Variants in HECTD2 observed in about 807,000 individuals in gnomAD.
The protein encoded by HECTD2 is probable E3 ubiquitin-protein ligase HECTD2.
Under a neutral mutation model 103.2 loss-of-function variants are expected in HECTD2, and 35 were observed. That is an observed-to-expected ratio of 0.34 (90% confidence interval 0.26 to 0.45). The LOEUF (loss-of-function observed/expected upper bound fraction) is 0.45. Among genes scored for constraint, HECTD2 ranks in the 20% least tolerant of loss-of-function variants. The pLI is 1.00. For synonymous variants in HECTD2, 281 were observed against 329.9 expected (o/e 0.85, Z 1.61); for missense variants, 596 against 937.4 (o/e 0.64, Z 4.76).
chr10:91,427,119 C>G (rs1234497089), intron 2 of HECTD2, among the ~76,000 whole-genome samples: 6 of 149,060 alleles, frequency 4.0e-5, no homozygotes, highest in Non-Finnish European at 7.4e-5. Flanking sequence ...TTTGTCCTTG[C>G]GATAGTTTAC....
At chr10:91,500,738 T>G (rs1257306212) in intron 19 of HECTD2, 121 bp downstream of exon 19, 2 of 497,262 alleles carry the variant, frequency 4.0e-6, no homozygotes, top group Non-Finnish European at 7.0e-6. Context: ...TATTAGAGAG[T>G]CCCACAGTCT....
chr10:91,465,813 T>A (rs1845512138), intron 5 of HECTD2, among the ~76,000 whole-genome samples: 1 of 152,196 alleles, frequency 6.6e-6, no homozygotes, highest in Non-Finnish European at 1.5e-5. Flanking sequence ...ATTCTTTTTA[T>A]GTATTTTTGG....
intron 2 of HECTD2, among the ~76,000 whole-genome samples, chr10:91,438,328 C>G (rs1402692936): frequency 3.9e-5 from 6 of 152,060 alleles, no homozygotes; most frequent in Non-Finnish European, 7.4e-5. Flanking sequence ...TGAGAACATG[C>G]AGTGTTTGGT....
At chr10:91,492,307 T>C (rs1294230479) in intron 12 of HECTD2, 45 bp from the exon 13 acceptor site, 2 of 1,566,448 alleles carry the variant, frequency 1.3e-6, no homozygotes, top group South Asian at 2.3e-5. Context: ...TAATTCTCTT[T>C]TCACTGCTCT....
In HECTD2 at chr10:91,468,407, A is replaced by T. The variant is rs1371433413; in HGVS notation, c.600+6223A>T. 2.0e-5 allele frequency among the ~76,000 whole-genome samples: 3 copies of T among 152,188 alleles called. No individual in the cohort carries two copies. In the East Asian group the frequency reaches 5.8e-4, roughly 29 times the overall value. ...AAGAAGATAAAAGCCAAAAAAAATAAAATCCCATTCGAAGGGTAGCAACTC... is the reference window on the plus strand; with the variant it reads ...AAGAAGATAAAAGCCAAAAAAAATATAATCCCATTCGAAGGGTAGCAACTC... On this transcript the variant is annotated intron_variant, in intron 5 of 20. Transcript: ENST00000298068.
chr10:91,508,052 G>A (rs1412098961), intron 20 of HECTD2, among the ~76,000 whole-genome samples: 6 of 120,586 alleles, frequency 5.0e-5, no homozygotes, highest in Non-Finnish European at 6.3e-5. Context: ...ATGGTGCTGG[G>A]AAAACTGGCT....
At chr10:91,495,084 T>C (rs1228573974) in intron 14 of HECTD2, among the ~76,000 whole-genome samples, 1 of 152,008 alleles carries the variant, frequency 6.6e-6, no homozygotes, top group Non-Finnish European at 1.5e-5. Flanking sequence ...GCTACTCTCA[T>C]TATTATGTGT....
chr10:91,501,151 G>A, intron 19 of HECTD2, 40 bp from the exon 20 acceptor site: 1 of 1,569,036 alleles, frequency 6.4e-7, no homozygotes, highest in South Asian at 1.2e-5. Flanking sequence ...TAGGATTTTT[G>A]TCAAGACATT....
At chr10:91,510,511 C>T (rs1367839524) in intron 20 of HECTD2, among the ~76,000 whole-genome samples, 1 of 152,098 alleles carries the variant, frequency 6.6e-6, no homozygotes, top group South Asian at 2.1e-4. Context: ...ATATTGTTTT[C>T]TTTCAGTTTT....
intron 2 of HECTD2, among the ~76,000 whole-genome samples, chr10:91,435,471 A>G (rs1844076156): frequency 6.6e-6 from 1 of 151,998 alleles, no homozygotes; most frequent in Non-Finnish European, 1.5e-5. Flanking sequence ...TCATCTGTAC[A>G]TTCTGTCTTC....
chr10:91,462,738 G>T, intron 5 of HECTD2: 1 of 985,968 alleles, frequency 1.0e-6, no homozygotes, highest in Non-Finnish European at 1.2e-6. Flanking sequence ...TGTAAACAAA[G>T]TCTCCAGAAG....
chr10:91,458,444 A>G (rs557035237), intron 2 of HECTD2, among the ~76,000 whole-genome samples: 2 of 152,094 alleles, frequency 1.3e-5, no homozygotes, highest in Admixed American at 6.6e-5. Flanking sequence ...TTTCAGATTT[A>G]CCTGGAAAGG....
At chr10:91,454,478 G>A (rs1844979749) in intron 2 of HECTD2, among the ~76,000 whole-genome samples, 2 of 152,060 alleles carry the variant, frequency 1.3e-5, no homozygotes, top group Non-Finnish European at 2.9e-5. Flanking sequence ...AAATAAAAAC[G>A]TAATACAACA....
chr10:91,444,100 A>G (rs1844488261), intron 2 of HECTD2, among the ~76,000 whole-genome samples: 1 of 152,094 alleles, frequency 6.6e-6, no homozygotes, highest in Non-Finnish European at 1.5e-5. Flanking sequence ...TGGCTCCTAT[A>G]GAGTTTTTCT....
Position 91,462,080 on chromosome 10 carries a change from A to C in HECTD2, c.511-15A>C. Reference sequence around the variant, plus strand: ...AAAATGTTGAATATACTTAATTCTTAAATTGAATTTGCAGAAAGATGCCAC... The same window carrying C: ...AAAATGTTGAATATACTTAATTCTTCAATTGAATTTGCAGAAAGATGCCAC... On this transcript the variant is annotated splice_polypyrimidine_tract_variant and intron_variant, in intron 4 of 20. Transcript: ENST00000298068. The C allele has an allele frequency of 1.9e-6, 3 of 1,554,358 alleles. No individual in the cohort carries two copies. The highest frequency in any genetic ancestry group is 2.7e-6 in the Non-Finnish European group (3 of 1,130,590).
chr10:91,462,348 T>C, intron 5 of HECTD2, 164 bp downstream of exon 5: 1 of 1,095,620 alleles, frequency 9.1e-7, no homozygotes, highest in Non-Finnish European at 1.2e-6. Context: ...TATTTTATTC[T>C]TTTATTTTTT....
chr10:91,450,567 CTA>C (rs1289554148), intron 2 of HECTD2, among the ~76,000 whole-genome samples: 1 of 151,974 alleles, frequency 6.6e-6, no homozygotes, highest in Non-Finnish European at 1.5e-5. Flanking sequence ...GTAAAAGAAA[CTA>C]TCATCAGAGT....
chr10:91,496,815 ATTAT>A (rs1385418266), intron 15 of HECTD2, among the ~76,000 whole-genome samples: 1 of 152,044 alleles, frequency 6.6e-6, no homozygotes, highest in Non-Finnish European at 1.5e-5. Flanking sequence ...TAATCATGCT[ATTAT>A]TTACCTTTTT....
rs544975850 is a variant in HECTD2, at chr10:91,471,911, A to G, written c.601-6290A>G. ...CAAAGCAATTTACAGTTGCAGTGCTATTGCAATCAAACTACCAATGGCATT... is the reference window on the plus strand; with the variant it reads ...CAAAGCAATTTACAGTTGCAGTGCTGTTGCAATCAAACTACCAATGGCATT... On this transcript the variant is annotated intron_variant, in intron 5 of 20. Transcript: ENST00000298068. Among the ~76,000 whole-genome samples the G allele has an allele frequency of 1.3e-3, 192 of 152,358 alleles. 2 individuals are homozygous for G. Among genetic ancestry groups the G allele is most frequent in the African/African-American group, 4.5e-3 (188 of 41,580 alleles).
Sources: gnomAD v4.1 joint callset for allele counts (sites outside exome capture counted in the v4.1 genomes callset) on GRCh38, gnomAD v4.1.1 for gene constraint, MANE v1.5 for transcripts, NCBI Gene and HGNC (gene_info 2026-07-23, HGNC 2026-07-21) for gene names.